The following MYLIP variants were observed in gnomAD, a reference collection of about 807,000 sequenced individuals.
MYLIP encodes E3 ubiquitin-protein ligase MYLIP.
Under a neutral mutation model 45.8 loss-of-function variants are expected in MYLIP, and 26 were observed. That is an observed-to-expected ratio of 0.57 (90% confidence interval 0.42 to 0.79). The LOEUF is 0.79. Ranked by LOEUF, MYLIP falls within the 30% of genes least tolerant of loss-of-function variation. The probability of loss-of-function intolerance (pLI) is 0.00; values close to 1 mark genes in which losing one functional copy is unlikely to be tolerated. For missense variants in MYLIP, 494 were observed against 555.6 expected (o/e 0.89, Z 1.11); for synonymous variants, 213 against 218.1 (o/e 0.98, Z 0.21).
chr6:16,160,312 C>G, the MYLIP span, among the ~76,000 whole-genome samples: 27 of 152,294 alleles, frequency 1.8e-4, no homozygotes, highest in African/African-American at 6.0e-4. Context: ...GCCTGCACAA[C>G]AGCTCTTCTC....
chr6:16,130,151 T>G (rs1759428409), intron 1 of MYLIP, among the ~76,000 whole-genome samples: 1 of 152,196 alleles, frequency 6.6e-6, no homozygotes, highest in African/African-American at 2.4e-5. Flanking sequence ...TCCCTCAATG[T>G]GTTTGATTTT....
the MYLIP span, chr6:16,161,453 G>A: frequency 6.3e-6 from 1 of 158,478 alleles, no homozygotes; most frequent in Non-Finnish European, 1.4e-5. Flanking sequence ...TGAGAGAGGA[G>A]GAAAATTGCT....
chr6:16,132,533 A>C (rs1467864386), intron 2 of MYLIP, among the ~76,000 whole-genome samples: 1 of 152,150 alleles, frequency 6.6e-6, no homozygotes, highest in African/African-American at 2.4e-5. Flanking sequence ...GTTAAGTGTG[A>C]CCTTAACTTT....
Position 16,129,163 on chromosome 6 carries a change from C to G in MYLIP, c.-160C>G. The G allele has an allele frequency of 1.5e-6, 1 of 673,878 alleles. No individual in the cohort carries two copies. Among genetic ancestry groups the G allele is most frequent in the Admixed American group, 2.8e-5 (1 of 36,180 alleles). The allele number at this position is 673,878 out of a possible 1,614,324, so 41.7% of individuals were successfully genotyped here. On this transcript the variant is annotated 5_prime_UTR_variant, in exon 1 of 7. Transcript: ENST00000356840. The surrounding 1 kb of genome is among the most constrained non-coding windows in gnomAD (Gnocchi z 5.1). ...GCAGCGGGTGAGGGGGTGGCGGGGA[C>G]GCGAGTGGCGGCCGCGGGGCCCCGG...
chr6:16,144,783 A>T, intron 5 of MYLIP, 114 bp from the exon 6 acceptor site: 2 of 1,199,560 alleles, frequency 1.7e-6, no homozygotes, highest in Non-Finnish European at 2.4e-6. Context: ...ACTTTCATAC[A>T]TGCAGACGAG....
At chr6:16,136,588 A>G (rs1759560813) in intron 2 of MYLIP, among the ~76,000 whole-genome samples, 1 of 152,240 alleles carries the variant, frequency 6.6e-6, no homozygotes, top group African/African-American at 2.4e-5. Flanking sequence ...TGAATAAATA[A>G]ATACCTAAGA....
At chr6:16,151,480 G>T (rs1393178168), downstream of MYLIP, among the ~76,000 whole-genome samples, 4 of 152,220 alleles carry the variant, frequency 2.6e-5, no homozygotes, top group African/African-American at 9.6e-5. Context: ...AATTAGGAAG[G>T]TTGAAGTTTT....
At chr6:16,133,771 G>A (rs562602194) in intron 2 of MYLIP, among the ~76,000 whole-genome samples, 4 of 152,108 alleles carry the variant, frequency 2.6e-5, no homozygotes, top group Non-Finnish European at 4.4e-5. Flanking sequence ...ACTTAGCCAC[G>A]TTTTAGCAGA....
chr6:16,163,188 C>G, the MYLIP span, among the ~76,000 whole-genome samples: 1 of 152,152 alleles, frequency 6.6e-6, no homozygotes, highest in South Asian at 2.1e-4. Context: ...TACACTTTTT[C>G]CTTATTGTTG....
intron 2 of MYLIP, among the ~76,000 whole-genome samples, chr6:16,141,139 G>A (rs1321510308): frequency 6.6e-6 from 1 of 152,150 alleles, no homozygotes; most frequent in Non-Finnish European, 1.5e-5. Context: ...ACATCCAGGT[G>A]GTGAAGCCTA....
chr6:16,158,163 T>C, the MYLIP span, among the ~76,000 whole-genome samples: 1 of 152,224 alleles, frequency 6.6e-6, no homozygotes, highest in South Asian at 2.1e-4. Flanking sequence ...GCCAACAGGC[T>C]TGCAATGTGA....
Position 16,146,958 on chromosome 6 carries a change from C to G in MYLIP, c.*207C>G, listed in dbSNP as rs1759806078. 8.7e-6 allele frequency: 4 copies of G among 458,390 alleles called. No individual in the cohort carries two copies. The South Asian group carries it at 1.3e-4, about 15-fold the overall frequency. 28.4% of individuals were successfully genotyped at this position (458,390 alleles called of 1,614,324 possible). On this transcript the variant is annotated 3_prime_UTR_variant, in exon 7 of 7. Transcript: ENST00000356840. ...GAATCAACAACTCCAGTCATGGGACCAGGAGGAGCTCTGGGACGCAGACAC... is the reference window on the plus strand; with the variant it reads ...GAATCAACAACTCCAGTCATGGGACGAGGAGGAGCTCTGGGACGCAGACAC...
intron 6 of MYLIP, 132 bp from the exon 7 acceptor site, chr6:16,146,530 A>C: frequency 1.5e-6 from 1 of 682,674 alleles, no homozygotes; most frequent in Admixed American, 2.5e-5. Context: ...CTACCAATTG[A>C]AAGCTAGAAA....
chr6:16,135,765 ATATATATATATATG>A (rs1759541824), intron 2 of MYLIP, among the ~76,000 whole-genome samples: 1 of 146,002 alleles, frequency 6.8e-6, no homozygotes, highest in Admixed American at 6.9e-5. Context: ...CTATATATAT[ATATATATATATATG>A]TATGCTATAT....
chr6:16,129,149 G>A lies in MYLIP; in HGVS notation c.-174G>A, dbSNP rs967333305. On this transcript the variant is annotated 5_prime_UTR_variant, in exon 1 of 7. Transcript: ENST00000356840. This position sits in a 1 kb window ranked among gnomAD's most constrained non-coding sequence, Gnocchi z 5.1. The stretch of plus-strand genomic sequence containing the variant: ...GGGGCAGCTGGCGGGCAGCGGGTGA[G>A]GGGGTGGCGGGGACGCGAGTGGCGG... 1.3e-5 allele frequency: 8 copies of A among 617,226 alleles called. No homozygotes were observed. The highest frequency in any genetic ancestry group is 2.0e-5 in the Non-Finnish European group (7 of 358,252). 38.2% of individuals were successfully genotyped at this position (617,226 alleles called of 1,614,324 possible).
the MYLIP span, among the ~76,000 whole-genome samples, chr6:16,158,312 T>C: frequency 1.3e-5 from 2 of 152,262 alleles, no homozygotes; most frequent in East Asian, 3.8e-4. Flanking sequence ...AAAAGACAGA[T>C]ATTTTTCTCA....
downstream of MYLIP, among the ~76,000 whole-genome samples, chr6:16,149,803 A>G (rs1342825219): frequency 6.6e-6 from 1 of 152,232 alleles, no homozygotes; most frequent in Non-Finnish European, 1.5e-5. Flanking sequence ...CTTTAGAAAT[A>G]TGGTCAGCAT....
rs912820169 is a variant in MYLIP, at chr6:16,129,538, C to A, written c.87+129C>A. On this transcript the variant is annotated intron_variant, in intron 1 of 6. Coordinates refer to ENST00000356840, the MANE Select transcript of MYLIP (RefSeq NM_013262.4). The surrounding 1 kb of genome is among the most constrained non-coding windows in gnomAD (Gnocchi z 5.1). Reference sequence around the variant, plus strand: ...GCACTGCGGCGGCAGCCGGGGGGAGCGCGTCCCCTCCTCTCCACGGGCGTG... The same window carrying A: ...GCACTGCGGCGGCAGCCGGGGGGAGAGCGTCCCCTCCTCTCCACGGGCGTG... 10 of 863,874 alleles carry A rather than the reference C, an allele frequency of 1.2e-5. No homozygotes were observed. Among genetic ancestry groups the A allele is most frequent in the Non-Finnish European group, 1.5e-5 (9 of 580,958 alleles). The allele number at this position is 863,874 out of a possible 1,614,324, so 53.5% of individuals were successfully genotyped here.
the MYLIP span, among the ~76,000 whole-genome samples, chr6:16,155,712 A>G: frequency 6.6e-6 from 1 of 152,218 alleles, no homozygotes; most frequent in Non-Finnish European, 1.5e-5. Context: ...GAGTGGATGC[A>G]GGAACTGGGG....
Sources: gnomAD v4.1 joint callset for allele counts (sites outside exome capture counted in the v4.1 genomes callset) on GRCh38, gnomAD v4.1.1 for gene constraint, Gnocchi (gnomAD v3.1) non-coding constraint, MANE v1.5 for transcripts, NCBI Gene and HGNC (gene_info 2026-07-23, HGNC 2026-07-21) for gene names.